ZFYVE16: variants seen among roughly 807,000 people sequenced by gnomAD.
The protein encoded by ZFYVE16 is zinc finger FYVE-type containing 16, also known as zinc finger FYVE domain-containing protein 16.
In ZFYVE16, 89 loss-of-function variants were observed where a neutral mutation model predicts 138.1. That is an observed-to-expected ratio of 0.64 (90% CI 0.54 to 0.77). The LOEUF is 0.77. ZFYVE16 is among the 30% of genes least tolerant of loss of function. ZFYVE16 has a pLI of 0.00. For missense variants in ZFYVE16, 1,793 were observed against 1,786.7 expected (o/e 1.00, Z -0.06); for synonymous variants, 596 against 618.3 (o/e 0.96, Z 0.53).
At chr5:80,455,648 G>T (rs998410098) in intron 11 of ZFYVE16, 44 bp from the exon 12 acceptor site, 174 of 1,461,416 alleles carry the variant, frequency 1.2e-4, no homozygotes, top group Middle Eastern at 1.7e-4. Flanking sequence ...ATAATTTGGG[G>T]TTTTTTTTGT....
At chr5:80,429,173 A>G (rs1468995624) in intron 2 of ZFYVE16, among the ~76,000 whole-genome samples, 2 of 152,210 alleles carry the variant, frequency 1.3e-5, no homozygotes, top group African/African-American at 4.8e-5. Flanking sequence ...CAAAATTGAA[A>G]TGAAGGAAAA....
Position 80,437,337 on chromosome 5 carries a change from T to A in ZFYVE16, c.652T>A (p.Ser218Thr). 6.2e-7 allele frequency: 1 copy of A among 1,600,802 alleles called. No homozygotes were observed. The highest frequency in any genetic ancestry group is 8.5e-7 in the Non-Finnish European group (1 of 1,175,406). Residue 218 changes from serine to threonine, a missense_variant, in exon 4 of 19, where the codon TCC becomes ACC. Coordinates refer to ENST00000505560, the MANE Select transcript of ZFYVE16 (RefSeq NM_001284236.3). ...AAAAGTAGATACAACACTTTCAGAT[T>A]CCTATAATTACAGTGGAACAGAAAA... ...GIKVDTTLSDSYNYSGTENLK... is the reference protein window; with the variant it reads ...GIKVDTTLSDTYNYSGTENLK...
At chr5:80,434,990 G>C (rs1249242249) in intron 3 of ZFYVE16, among the ~76,000 whole-genome samples, 3 of 151,366 alleles carry the variant, frequency 2.0e-5, no homozygotes, top group African/African-American at 7.3e-5. Context: ...GCCTCCTGAG[G>C]AGCTGGGATT....
At chr5:80,445,181 G>A in intron 6 of ZFYVE16, 82 bp from the exon 7 acceptor site, 1 of 1,519,312 alleles carries the variant, frequency 6.6e-7, no homozygotes, top group Non-Finnish European at 8.9e-7. Context: ...AAAAGCTTTT[G>A]AAAACATTTC....
chr5:80,430,089 G>A (rs574458427), intron 2 of ZFYVE16, among the ~76,000 whole-genome samples: 2 of 152,046 alleles, frequency 1.3e-5, no homozygotes, highest in African/African-American at 4.8e-5. Context: ...CCAAGCGGAC[G>A]TAATAGACAT....
rs1364564723 is a variant in ZFYVE16 at position 80,482,103 on chromosome 5, A to AAGCC, written c.*4730_*4733dup. 2.6e-5 allele frequency among the ~76,000 whole-genome samples: 4 copies of AAGCC among 152,310 alleles called. No homozygotes were observed. Among genetic ancestry groups the AAGCC allele is most frequent in the Middle Eastern group, 3.4e-3 (1 of 294 alleles). On this transcript the variant is annotated 3_prime_UTR_variant, in exon 19 of 19. Coordinates refer to ENST00000505560, the MANE Select transcript of ZFYVE16 (RefSeq NM_001284236.3). ...CCCAAAGTGCTGGGATTACAGGCAT[A>AAGCC]AGCCAGCACACCTGGCCGTTAAACT...
At chr5:80,451,824 C>A in intron 11 of ZFYVE16, 115 bp downstream of exon 11, 1 of 1,061,794 alleles carries the variant, frequency 9.4e-7, no homozygotes, top group Non-Finnish European at 1.3e-6. Flanking sequence ...TTTTGTTTTG[C>A]TATGCTTTTA....
At chr5:80,435,208 T>A (rs1037490285) in intron 3 of ZFYVE16, among the ~76,000 whole-genome samples, 5 of 152,144 alleles carry the variant, frequency 3.3e-5, no homozygotes, top group Non-Finnish European at 5.9e-5. Flanking sequence ...CTAATTTTTG[T>A]ATTTTTAGTA....
At chr5:80,422,034 A>G (rs1468118201) in intron 1 of ZFYVE16, among the ~76,000 whole-genome samples, 1 of 152,088 alleles carries the variant, frequency 6.6e-6, no homozygotes, top group Non-Finnish European at 1.5e-5. Context: ...TTGAATTCCT[A>G]GGTATTTTAT....
At chr5:80,416,554 C>T (rs1746283602) in intron 1 of ZFYVE16, among the ~76,000 whole-genome samples, 2 of 66,094 alleles carry the variant, frequency 3.0e-5, no homozygotes, top group Admixed American at 4.5e-4. Context: ...TGCGCCCAGC[C>T]GATTTTTTTT....
chr5:80,407,868 C>T (rs1204593559), upstream of ZFYVE16: 4 of 152,500 alleles, frequency 2.6e-5, no homozygotes, highest in East Asian at 7.7e-4. Context: ...CAACAACCCA[C>T]TCAGGCACTT....
chr5:80,474,957 C>T (rs1266848633), intron 18 of ZFYVE16, 127 bp downstream of exon 18: 3 of 976,088 alleles, frequency 3.1e-6, no homozygotes, highest in South Asian at 3.7e-5. Flanking sequence ...GTGCTACACA[C>T]TTCACATATA....
In ZFYVE16 at chr5:80,449,617, C is replaced by G; in HGVS notation, c.3130C>G (p.His1044Asp). 1 of 1,611,130 alleles carries G rather than the reference C, an allele frequency of 6.2e-7. No individual in the cohort carries two copies. The highest frequency in any genetic ancestry group is 8.5e-7 in the Non-Finnish European group (1 of 1,178,742). ...GCCTGTAGTAGAAGAACATCCATCT[C>G]ATGAGCAGATCATTTTGCTTCTTGA... ...SVPVVEEHPSHEQIILLLEGE... is the reference protein window; with the variant it reads ...SVPVVEEHPSDEQIILLLEGE... The change falls in exon 9 of 19, where the codon CAT becomes GAT. Residue 1044 changes from histidine (H) to aspartate (D), a missense_variant. Around this residue, in one of 2 missense-constraint regions of ZFYVE16, gnomAD observed 1,295 missense variants for 1,204.3 expected, o/e 1.08. Coordinates refer to ENST00000505560, the MANE Select transcript of ZFYVE16 (RefSeq NM_001284236.3).
At chr5:80,444,419 T>C (rs569514985) in intron 6 of ZFYVE16, among the ~76,000 whole-genome samples, 2 of 150,320 alleles carry the variant, frequency 1.3e-5, no homozygotes, top group African/African-American at 4.8e-5. Flanking sequence ...GTTATCTTTA[T>C]GATGTTCTGG....
rs1752461207 is a variant in ZFYVE16, at chr5:80,455,723, C to T, written c.3639C>T (p.Gly1213=). ...AYPAPLTSIR[G]RKPLFGEIGH... ...CTGCTCCTCTAACAAGCATCAGAGG[C>T]CGAAAACCTCTTTTTGGAGAAATAG... Residue 1213 remains glycine, a synonymous_variant, in exon 12 of 19, where the codon GGC becomes GGT. Transcript: ENST00000505560. The T allele has an allele frequency of 1.9e-6, 3 of 1,595,300 alleles. No individual in the cohort carries two copies. Among genetic ancestry groups the T allele is most frequent in the Non-Finnish European group, 2.6e-6 (3 of 1,175,034 alleles).
Position 80,472,889 on chromosome 5 carries a change from T to A in ZFYVE16, c.4153T>A (p.Cys1385Ser), listed in dbSNP as rs1397504738. The A allele has an allele frequency of 5.6e-6, 9 of 1,611,406 alleles. No individual in the cohort carries two copies. Among genetic ancestry groups the A allele is most frequent in the Non-Finnish European group, 7.6e-6 (9 of 1,178,772 alleles). The stretch of plus-strand genomic sequence containing the variant: ...AGACCTGAGAGAATACGTGGATATC[T>A]GCTGGGTAGATGCTGAAGAAAAAGG... ...AVDLREYVDI[C>S]WVDAEEKGNK... The change falls in exon 16 of 19, where the codon TGC becomes AGC. Residue 1385 changes from cysteine (C) to serine (S), a missense_variant. Physicochemically the swap from Cys to Ser is moderately radical, Grantham distance 112. Around this residue, in one of 2 missense-constraint regions of ZFYVE16, gnomAD observed 498 missense variants for 582.4 expected, o/e 0.86. Coordinates refer to ENST00000505560, the MANE Select transcript of ZFYVE16 (RefSeq NM_001284236.3).
chr5:80,425,317 C>T (rs1747837830), intron 1 of ZFYVE16, among the ~76,000 whole-genome samples: 1 of 152,118 alleles, frequency 6.6e-6, no homozygotes, highest in African/African-American at 2.4e-5. Context: ...TTTTCAAGCC[C>T]ATTTTTAAAG....
chr5:80,456,945 G>A lies in ZFYVE16; in HGVS notation c.3796G>A (p.Val1266Ile). Reference protein sequence around the residue: ...IKIPRKKYSDVMKVLNSSNEH... With the variant: ...IKIPRKKYSDIMKVLNSSNEH... Reference sequence around the variant, plus strand: ...TGTTGTTGTTTTTGTTTTTTTCCAGGTAATGAAAGTACTAAATTCTTCCAA... The same window carrying A: ...TGTTGTTGTTTTTGTTTTTTTCCAGATAATGAAAGTACTAAATTCTTCCAA... The change falls in exon 14 of 19, where the codon GTA becomes ATA. Residue 1266 changes from valine (V) to isoleucine (I), a missense_variant and splice_region_variant. By Grantham distance (29) the Val-to-Ile change is conservative. Transcript: ENST00000505560. The A allele has an allele frequency of 1.3e-6, 2 of 1,585,692 alleles. No individual in the cohort carries two copies. Among genetic ancestry groups the A allele is most frequent in the Non-Finnish European group, 1.7e-6 (2 of 1,172,104 alleles).
chr5:80,408,372 G>A (rs1744919639), intron 1 of ZFYVE16, among the ~76,000 whole-genome samples: 2 of 152,254 alleles, frequency 1.3e-5, no homozygotes, highest in South Asian at 4.1e-4. Flanking sequence ...GAGCCTGAAG[G>A]GCCAGACCGG....
Sources: allele counts gnomAD v4.1 joint callset (sites outside exome capture counted in the v4.1 genomes callset), GRCh38; gene constraint gnomAD v4.1.1; regional missense constraint gnomAD v4.1.1; transcripts MANE v1.5; gene names NCBI Gene and HGNC (gene_info 2026-07-23, HGNC 2026-07-21).